SLC38A6: variants seen among roughly 807,000 people sequenced by gnomAD.
SLC38A6 encodes N system amino acid transporter NAT-1.
SLC38A6 carries 73 observed loss-of-function variants against 65.0 expected under a neutral mutation model. The observed-to-expected ratio is 1.12, with a 90% CI of 0.93 to 1.37. The LOEUF (loss-of-function observed/expected upper bound fraction) is 1.37. SLC38A6 is among the 40% of genes most tolerant of loss of function. The pLI is 0.00. For missense variants in SLC38A6, 561 were observed against 531.1 expected, an observed-to-expected ratio of 1.06 and a Z score of -0.55; for synonymous variants, 183 against 178.8, an observed-to-expected ratio of 1.02 and a Z score of -0.19.
intron 3 of SLC38A6, among the ~76,000 whole-genome samples, chr14:61,002,442 A>G (rs1191191731): frequency 1.3e-5 from 2 of 152,242 alleles, no homozygotes; most frequent in African/African-American, 4.8e-5. Context: ...GTTGAACTGT[A>G]TTTGAATAAC....
At chr14:61,045,936 G>C (rs1213621634) in intron 11 of SLC38A6, 131 bp from the exon 12 acceptor site, 2 of 557,192 alleles carry the variant, frequency 3.6e-6, no homozygotes, top group Non-Finnish European at 6.5e-6. Flanking sequence ...TTTCGAATGA[G>C]GACTTCTAGT....
In SLC38A6 at chr14:61,050,687, G is replaced by T. The variant is rs554044882; in HGVS notation, c.1050+51G>T. 34 of 1,383,998 alleles carry T rather than the reference G, an allele frequency of 2.5e-5. No individual in the cohort carries two copies. The African/African-American group carries it at 3.9e-4, about 16-fold the overall frequency. The allele number at this position is 1,383,998 out of a possible 1,614,324, so 85.7% of individuals were successfully genotyped here. On this transcript the variant is annotated intron_variant, in intron 13 of 15. Coordinates refer to ENST00000267488, the MANE Select transcript of SLC38A6 (RefSeq NM_153811.3). ...GCCTAGTATAGACGCTTCCTAATAGGGAAACACTAATTCTTTGCAGAATAG... is the reference window on the plus strand; with the variant it reads ...GCCTAGTATAGACGCTTCCTAATAGTGAAACACTAATTCTTTGCAGAATAG...
chr14:60,995,003 C>CAAAAAAAAAAAAAAAA (rs34888148), intron 3 of SLC38A6, among the ~76,000 whole-genome samples: 1 of 73,162 alleles, frequency 1.4e-5, no homozygotes, highest in Non-Finnish European at 2.9e-5. Flanking sequence ...GACTCCATCT[C>CAAAAAAAAAAAAAAAA]AAAAAAAAAA....
intron 8 of SLC38A6, among the ~76,000 whole-genome samples, chr14:61,038,670 G>A (rs2041570657): frequency 6.6e-6 from 1 of 152,166 alleles, no homozygotes; most frequent in South Asian, 2.1e-4. Flanking sequence ...TATCTTCTGA[G>A]ACACAGGGAT....
At chr14:60,998,670 AAG>A (rs1383469568) in intron 3 of SLC38A6, among the ~76,000 whole-genome samples, 1 of 152,240 alleles carries the variant, frequency 6.6e-6, no homozygotes, top group African/African-American at 2.4e-5. Flanking sequence ...GCAGAGCTAA[AAG>A]AGCACTGTAG....
intron 3 of SLC38A6, among the ~76,000 whole-genome samples, chr14:60,995,589 G>C (rs2038229810): frequency 6.6e-6 from 1 of 152,076 alleles, no homozygotes. Context: ...TAGATTTCAG[G>C]TGCTTTTACC....
chr14:61,078,166 A>C (rs1365136216), intron 15 of SLC38A6, among the ~76,000 whole-genome samples: 3 of 152,252 alleles, frequency 2.0e-5, no homozygotes, highest in Non-Finnish European at 4.4e-5. Context: ...TGTTGAAAGA[A>C]TGACATATCT....
chr14:61,026,448 A>G (rs1276301475), intron 5 of SLC38A6, among the ~76,000 whole-genome samples: 2 of 152,152 alleles, frequency 1.3e-5, no homozygotes, highest in Admixed American at 1.3e-4. Context: ...GAAAAATGAA[A>G]TACATTGAAA....
At chr14:61,020,292 G>A (rs1055905875) in intron 5 of SLC38A6, among the ~76,000 whole-genome samples, 1 of 152,090 alleles carries the variant, frequency 6.6e-6, no homozygotes, top group African/African-American at 2.4e-5. Context: ...TGACTGGAGT[G>A]CTAAATAAAT....
downstream of SLC38A6, among the ~76,000 whole-genome samples, chr14:61,054,204 G>T (rs868666131): frequency 2.6e-5 from 4 of 152,168 alleles, no homozygotes; most frequent in Non-Finnish European, 2.9e-5. Flanking sequence ...CCTTATTTCT[G>T]GGTTCTCTAT....
At chr14:61,066,666 C>T (rs1467350087) in intron 15 of SLC38A6, among the ~76,000 whole-genome samples, 2 of 152,196 alleles carry the variant, frequency 1.3e-5, no homozygotes, top group African/African-American at 4.8e-5. Context: ...ATATCAAAAT[C>T]CATGCACATT....
At chr14:60,989,360 A>G (rs1378358593) in intron 3 of SLC38A6, among the ~76,000 whole-genome samples, 1 of 152,126 alleles carries the variant, frequency 6.6e-6, no homozygotes, top group Non-Finnish European at 1.5e-5. Flanking sequence ...TTCTGTCATC[A>G]TAAAAATCTC....
At chr14:61,012,527 A>G (rs989059865) in intron 3 of SLC38A6, among the ~76,000 whole-genome samples, 9 of 152,194 alleles carry the variant, frequency 5.9e-5, no homozygotes, top group African/African-American at 1.9e-4. Context: ...ATTTTGTCCT[A>G]TAAAGTTCCC....
rs578126519 is a variant in SLC38A6 at position 61,048,443 on chromosome 14, G to T, written c.926-2069G>T. ...TATAACTTGCAGAGATCACCATTAGGCCCTTTCTGAGATTTGTAGAGATTT... is the reference window on the plus strand; with the variant it reads ...TATAACTTGCAGAGATCACCATTAGTCCCTTTCTGAGATTTGTAGAGATTT... On this transcript the variant is annotated intron_variant, in intron 12 of 15. Transcript: ENST00000267488. 3 of 217,528 alleles carry T rather than the reference G, an allele frequency of 1.4e-5. No homozygotes were observed. The South Asian group carries it at 2.1e-4, about 15-fold the overall frequency. The allele number at this position is 217,528 out of a possible 1,614,324, so 13.5% of individuals were successfully genotyped here. A position where few individuals can be genotyped will look rare whatever the true frequency, so the allele number is the denominator to read the frequency against.
At chr14:60,992,808 C>T (rs894832425) in intron 3 of SLC38A6, among the ~76,000 whole-genome samples, 6 of 151,676 alleles carry the variant, frequency 4.0e-5, no homozygotes, top group Non-Finnish European at 8.8e-5. Context: ...TGTCTCAGCC[C>T]TCTGGCATCT....
chr14:61,039,907 A>T (rs1275947083), intron 8 of SLC38A6, among the ~76,000 whole-genome samples: 2 of 152,008 alleles, frequency 1.3e-5, no homozygotes, highest in African/African-American at 4.8e-5. Flanking sequence ...CCTATATTTT[A>T]TCTGTTCTCC....
chr14:61,083,668 A>G lies in SLC38A6; in HGVS notation c.1522A>G (p.Thr508Ala), dbSNP rs1415743805. ...CCTCAGGAGAACCAAACGTGTCCAC[A>G]CCTTGATCTTGCACTTCCCAACCTC... Residue 508 changes from threonine (T) to alanine (A), a missense_variant, in exon 17 of 17, where the codon ACC becomes GCC. Physicochemically the swap from Thr to Ala is moderately conservative, Grantham distance 58. Coordinates refer to the SLC38A6 transcript ENST00000354886. 4 of 1,550,122 alleles carry G rather than the reference A, an allele frequency of 2.6e-6. No individual in the cohort carries two copies. The Admixed American group carries it at 7.8e-5, about 30-fold the overall frequency.
At chr14:60,993,854 C>G (rs1270508517) in intron 3 of SLC38A6, among the ~76,000 whole-genome samples, 1 of 152,130 alleles carries the variant, frequency 6.6e-6, no homozygotes, top group African/African-American at 2.4e-5. Context: ...ACTAAAACAG[C>G]CACATACACA....
chr14:61,070,069 A>C (rs1315558298), intron 15 of SLC38A6, among the ~76,000 whole-genome samples: 1 of 152,248 alleles, frequency 6.6e-6, no homozygotes. Context: ...AACAACACCT[A>C]ACATGAAATC....
Sources: allele counts gnomAD v4.1 joint callset (sites outside exome capture counted in the v4.1 genomes callset), GRCh38; gene constraint gnomAD v4.1.1; transcripts MANE v1.5; gene names NCBI Gene and HGNC (gene_info 2026-07-23, HGNC 2026-07-21).